Variants in SSBP2 observed in about 807,000 individuals in gnomAD.
The protein encoded by SSBP2 is single-stranded DNA-binding protein 2.
Under a neutral mutation model 61.8 loss-of-function variants are expected in SSBP2, and 17 were observed. The ratio of observed to expected loss-of-function variants is 0.28; its 90% CI spans 0.19 to 0.41. SSBP2 has a LOEUF of 0.41. SSBP2 is among the 10% of genes least tolerant of loss of function. The pLI is 1.00. For missense variants in SSBP2, 310 were observed against 458.7 expected (o/e 0.68, Z 2.96); for synonymous variants, 139 against 141.3 (o/e 0.98, Z 0.12).
chr5:81,481,015 T>G (rs6452415), intron 6 of SSBP2, among the ~76,000 whole-genome samples: 1 of 152,034 alleles, frequency 6.6e-6, no homozygotes, highest in Non-Finnish European at 1.5e-5. Context: ...AGTTTTATTA[T>G]GAGAGTGTGG....
intron 16 of SSBP2, among the ~76,000 whole-genome samples, chr5:81,425,149 T>C (rs537005586): frequency 5.0e-4 from 76 of 152,360 alleles, no homozygotes; most frequent in African/African-American, 1.7e-3. Context: ...TTTTCCTTAT[T>C]ATGCCCAGTT....
intron 1 of SSBP2, among the ~76,000 whole-genome samples, chr5:81,682,194 C>T (rs1752436912): frequency 6.6e-6 from 1 of 152,090 alleles, no homozygotes; most frequent in African/African-American, 2.4e-5. Context: ...CAGGGGAATA[C>T]CTTCTAACTC....
At chr5:81,575,484 T>G (rs1774144590) in intron 4 of SSBP2, among the ~76,000 whole-genome samples, 2 of 152,056 alleles carry the variant, frequency 1.3e-5, no homozygotes, top group South Asian at 4.2e-4. Context: ...AAATCAAGGA[T>G]AGTGATATAA....
At chr5:81,523,041 A>G (rs1293535274) in intron 4 of SSBP2, among the ~76,000 whole-genome samples, 5 of 152,076 alleles carry the variant, frequency 3.3e-5, no homozygotes, top group African/African-American at 1.2e-4. Flanking sequence ...TTGGTGATCT[A>G]AATATTGTAG....
chr5:81,656,224 G>T (rs1561660134), intron 1 of SSBP2, among the ~76,000 whole-genome samples: 1 of 151,930 alleles, frequency 6.6e-6, no homozygotes, highest in African/African-American at 2.4e-5. Flanking sequence ...GCTAATTTTT[G>T]TATTTTTATT....
chr5:81,641,404 C>A (rs917562537), intron 2 of SSBP2, among the ~76,000 whole-genome samples: 1 of 152,164 alleles, frequency 6.6e-6, no homozygotes, highest in African/African-American at 2.4e-5. Flanking sequence ...TTTTTTACTA[C>A]ATAGTATTCA....
intron 1 of SSBP2, among the ~76,000 whole-genome samples, chr5:81,726,367 G>A (rs1432529167): frequency 6.6e-6 from 1 of 152,056 alleles, no homozygotes; most frequent in Non-Finnish European, 1.5e-5. Context: ...TCAGGCCAAA[G>A]GTTCTACTGT....
At chr5:81,592,023 A>C (rs1322826273) in intron 4 of SSBP2, among the ~76,000 whole-genome samples, 3 of 152,220 alleles carry the variant, frequency 2.0e-5, no homozygotes, top group Non-Finnish European at 4.4e-5. Flanking sequence ...GCGCAAGCCG[A>C]AGCAGGGCGA....
intron 1 of SSBP2, among the ~76,000 whole-genome samples, chr5:81,679,863 T>C (rs573819472): frequency 6.6e-6 from 1 of 152,090 alleles, no homozygotes; most frequent in South Asian, 2.1e-4. Flanking sequence ...GAGACTTGCA[T>C]TTGAATTGGT....
At chr5:81,678,108 A>G (rs983546422) in intron 1 of SSBP2, among the ~76,000 whole-genome samples, 11 of 152,082 alleles carry the variant, frequency 7.2e-5, no homozygotes, top group African/African-American at 2.7e-4. Context: ...AGAATTATCC[A>G]ATCAGGAATT....
chr5:81,747,023 G>GT (rs780829523), intron 1 of SSBP2, among the ~76,000 whole-genome samples: 1 of 29,476 alleles, frequency 3.4e-5, no homozygotes, highest in East Asian at 1.1e-3. Context: ...CAAAATTCCT[G>GT]GGGGGGGGGG....
intron 1 of SSBP2, among the ~76,000 whole-genome samples, chr5:81,701,383 T>C (rs1753973064): frequency 6.6e-6 from 1 of 152,058 alleles, no homozygotes; most frequent in Admixed American, 6.5e-5. Flanking sequence ...ATAATAATAA[T>C]AAAAAGTTTG....
At chr5:81,490,734 C>T (rs1766796504) in intron 5 of SSBP2, among the ~76,000 whole-genome samples, 1 of 152,096 alleles carries the variant, frequency 6.6e-6, no homozygotes, top group African/African-American at 2.4e-5. Context: ...GTATCTTTTG[C>T]AGAGTCTGAC....
At chr5:81,440,536 A>G in intron 14 of SSBP2, 22 bp downstream of exon 14, 1 of 1,600,248 alleles carries the variant, frequency 6.2e-7, no homozygotes, top group Non-Finnish European at 8.6e-7. Flanking sequence ...TTTATTCTAA[A>G]CATCAAATTG....
intron 4 of SSBP2, among the ~76,000 whole-genome samples, chr5:81,515,967 G>C (rs953703102): frequency 6.6e-6 from 1 of 151,546 alleles, no homozygotes; most frequent in Non-Finnish European, 1.5e-5. Context: ...TTTAAGTTTT[G>C]TAATATAGTA....
chr5:81,554,621 T>A (rs555562034), intron 4 of SSBP2, among the ~76,000 whole-genome samples: 1 of 152,048 alleles, frequency 6.6e-6, no homozygotes, highest in Admixed American at 6.6e-5. Flanking sequence ...ATTTTAGTTA[T>A]AGCTAATAAA....
intron 1 of SSBP2, among the ~76,000 whole-genome samples, chr5:81,652,986 C>T (rs145168325): frequency 0.023 from 3,506 of 149,268 alleles, 143 homozygotes; most frequent in African/African-American, 0.082. Flanking sequence ...GATACATGTG[C>T]GGAACGTGCA....
At chr5:81,527,768 G>C (rs1221297592) in intron 4 of SSBP2, among the ~76,000 whole-genome samples, 1 of 151,718 alleles carries the variant, frequency 6.6e-6, no homozygotes, top group Non-Finnish European at 1.5e-5. Flanking sequence ...AAGAGCATTA[G>C]GACAAATACC....
At chr5:81,711,699 A>T (rs185043445) in intron 1 of SSBP2, among the ~76,000 whole-genome samples, 500 of 152,050 alleles carry the variant, frequency 3.3e-3, no homozygotes, top group Non-Finnish European at 5.1e-3. Context: ...ATGATAAAAA[A>T]AAAAATAAAA....
Sources: allele counts gnomAD v4.1 joint callset (sites outside exome capture counted in the v4.1 genomes callset), GRCh38; gene constraint gnomAD v4.1.1; transcripts MANE v1.5; gene names NCBI Gene and HGNC (gene_info 2026-07-23, HGNC 2026-07-21).